Variants in MTX2 observed in about 807,000 individuals in gnomAD.
The protein encoded by MTX2 is metaxin-2.
A neutral mutation model predicts 42.3 loss-of-function variants in MTX2; 35 were observed. The ratio of observed to expected loss-of-function variants is 0.83; its 90% CI spans 0.63 to 1.10. The LOEUF (loss-of-function observed/expected upper bound fraction) is 1.10, where lower values mean the gene tolerates loss of function less well. Ranked by LOEUF, MTX2 falls within the 50% of genes least tolerant of loss-of-function variation. The pLI is 0.00. For synonymous variants in MTX2, 119 were observed against 100.9 expected, an observed-to-expected ratio of 1.18 and a Z score of -1.08; for missense variants, 307 against 304.1, an observed-to-expected ratio of 1.01 and a Z score of -0.07.
chr2:176,323,994 T>A (rs1684645450), intron 4 of MTX2, among the ~76,000 whole-genome samples: 1 of 151,634 alleles, frequency 6.6e-6, no homozygotes, highest in African/African-American at 2.4e-5. Context: ...AGCTTCCTAT[T>A]TTTTAAAATC....
chr2:176,296,759 G>T lies in MTX2; in HGVS notation c.41-101G>T. 3 of 1,206,240 alleles carry T rather than the reference G, an allele frequency of 2.5e-6. No homozygotes were observed. The South Asian group carries it at 3.7e-5, about 15-fold the overall frequency. 74.7% of individuals were successfully genotyped at this position (1,206,240 alleles called of 1,614,324 possible). A position where few individuals can be genotyped will look rare whatever the true frequency, so the allele number is the denominator to read the frequency against. ...CATGTATAAGTCAACCTTAGCAAAT[G>T]ACTTTAAATGCTGTAGGCAAATGTA... On this transcript the variant is annotated intron_variant, in intron 1 of 9. Coordinates refer to ENST00000249442, the MANE Select transcript of MTX2 (RefSeq NM_006554.5).
At chr2:176,278,041 GTTTTTTTTTTTTTTTT>G (rs59379339) in intron 1 of MTX2, among the ~76,000 whole-genome samples, 8 of 84,838 alleles carry the variant, frequency 9.4e-5, no homozygotes, top group African/African-American at 4.4e-4. Context: ...GTTGAAACTG[GTTTTTTTTTTTTTTTT>G]TTTTTTTTTT....
intron 1 of MTX2, among the ~76,000 whole-genome samples, chr2:176,281,420 T>G (rs1184024512): frequency 6.6e-6 from 1 of 152,172 alleles, no homozygotes; most frequent in East Asian, 1.9e-4. Context: ...ACATGTGGCT[T>G]CTTCATGTGG....
chr2:176,284,831 G>C (rs937861929), intron 1 of MTX2, among the ~76,000 whole-genome samples: 1 of 152,208 alleles, frequency 6.6e-6, no homozygotes, highest in Non-Finnish European at 1.5e-5. Flanking sequence ...TGCCATCTGT[G>C]TCTCTAGGAT....
Position 176,337,561 on chromosome 2 carries a change from A to T in MTX2, c.689A>T (p.Asp230Val). The stretch of plus-strand genomic sequence containing the variant: ...ATTCTTACCACACAATTGACAAATG[A>T]TGAACTTTCTGAGAAGGTGAAAAAC... Reference protein sequence around the residue: ...YTILTTQLTNDELSEKVKNYS... With the variant: ...YTILTTQLTNVELSEKVKNYS... The change falls in exon 10 of 10, where the codon GAT becomes GTT. Residue 230 changes from aspartate to valine, a missense_variant. Transcript: ENST00000249442. 6.2e-7 allele frequency: 1 copy of T among 1,613,464 alleles called. No individual in the cohort carries two copies. The highest frequency in any genetic ancestry group is 2.2e-5 in the East Asian group (1 of 44,848).
chr2:176,329,826 T>C (rs1684811804), intron 8 of MTX2, among the ~76,000 whole-genome samples: 1 of 150,086 alleles, frequency 6.7e-6, no homozygotes, highest in South Asian at 2.1e-4. Flanking sequence ...TAACTAAATA[T>C]AGATCTGCAG....
At chr2:176,306,477 A>T (rs1684147086) in intron 3 of MTX2, among the ~76,000 whole-genome samples, 1 of 152,234 alleles carries the variant, frequency 6.6e-6, no homozygotes, top group Non-Finnish European at 1.5e-5. Context: ...TCCTTGAGGA[A>T]TCGCCACACT....
At chr2:176,305,353 AAAG>A (rs1217329987) in intron 3 of MTX2, among the ~76,000 whole-genome samples, 44 of 152,228 alleles carry the variant, frequency 2.9e-4, no homozygotes, top group Admixed American at 2.4e-3. Context: ...GAGCTCAGAA[AAAG>A]AATATATATA....
chr2:176,305,907 A>C (rs1011540979), intron 3 of MTX2, among the ~76,000 whole-genome samples: 1 of 151,960 alleles, frequency 6.6e-6, no homozygotes, highest in Non-Finnish European at 1.5e-5. Context: ...TGATTTCTAC[A>C]TAGATCATTA....
chr2:176,329,460 C>G (rs1256285364), intron 8 of MTX2, 34 bp downstream of exon 8: 1 of 1,575,358 alleles, frequency 6.3e-7, no homozygotes, highest in East Asian at 2.3e-5. Flanking sequence ...AAACCCTCAA[C>G]TTTTATGCAT....
Position 176,329,390 on chromosome 2 carries a change from GA to G in MTX2, c.510del (p.Ala171LeufsTer13). On this transcript the variant is annotated frameshift_variant, in exon 8 of 10. Transcript: ENST00000249442. LOFTEE classifies it high-confidence loss of function. ...QKQWEVKRKM[K>X]AIGWGKKTLD... ...AACAGTGGGAAGTCAAACGTAAGAT[GA>G]AAGCTATTGGATGGGGAAAGAAGAC... 1 of 1,607,494 alleles carries G rather than the reference GA, an allele frequency of 6.2e-7. No homozygotes were observed. The highest frequency in any genetic ancestry group is 8.5e-7 in the Non-Finnish European group (1 of 1,175,482).
intron 3 of MTX2, among the ~76,000 whole-genome samples, chr2:176,304,628 A>G (rs1162291402): frequency 1.3e-5 from 2 of 152,018 alleles, no homozygotes; most frequent in Admixed American, 1.3e-4. Context: ...CCTCTTCAGT[A>G]AGGTAGAAAA....
At chr2:176,320,327 T>C (rs1204669811) in intron 3 of MTX2, among the ~76,000 whole-genome samples, 1 of 152,188 alleles carries the variant, frequency 6.6e-6, no homozygotes, top group Non-Finnish European at 1.5e-5. Flanking sequence ...CATTTTGGAA[T>C]ATTAATTAGC....
chr2:176,284,886 A>G (rs1296610754), intron 1 of MTX2, among the ~76,000 whole-genome samples: 1 of 152,222 alleles, frequency 6.6e-6, no homozygotes, highest in Non-Finnish European at 1.5e-5. Context: ...CAGATTTACC[A>G]GGATTGCTTG....
At chr2:176,319,630 C>T (rs1228039317) in intron 3 of MTX2, among the ~76,000 whole-genome samples, 4 of 151,946 alleles carry the variant, frequency 2.6e-5, no homozygotes, top group Non-Finnish European at 5.9e-5. Context: ...GGCTGGAGTG[C>T]AGTGGTGCGA....
In MTX2 at chr2:176,316,813, T is replaced by C. The variant is rs138082266; in HGVS notation, c.136-6579T>C. On this transcript the variant is annotated intron_variant, in intron 3 of 9. Coordinates refer to ENST00000249442, the MANE Select transcript of MTX2 (RefSeq NM_006554.5). ...CAAACTATTGATTATTTTGCTGTTA[T>C]AAATAGGGCTTAAGTGTGAATATCC... is the stretch of plus-strand genomic sequence containing the variant. Among the ~76,000 whole-genome samples, 960 of 152,300 alleles carry C rather than the reference T, an allele frequency of 6.3e-3. 3 individuals carry two copies. The highest frequency in any genetic ancestry group is 0.017 in the Middle Eastern group (5 of 294).
At chr2:176,289,572 G>A (rs985444371) in intron 1 of MTX2, among the ~76,000 whole-genome samples, 1 of 152,022 alleles carries the variant, frequency 6.6e-6, no homozygotes, top group Non-Finnish European at 1.5e-5. Context: ...TTTATCTGCA[G>A]TATAGGGATA....
At chr2:176,275,830 C>T (rs1202289318) in intron 1 of MTX2, among the ~76,000 whole-genome samples, 1 of 151,978 alleles carries the variant, frequency 6.6e-6, no homozygotes, top group Non-Finnish European at 1.5e-5. Context: ...AGGAGTGGCT[C>T]CAGGTATTAG....
Position 176,269,521 on chromosome 2 carries a change from A to G in MTX2, c.-109A>G, listed in dbSNP as rs530021448. On this transcript the variant is annotated 5_prime_UTR_variant, in exon 1 of 10. Transcript: ENST00000249442. ...TGTTGGAGTGGGCTTTGCGAGTCTG[A>G]ACGTTGGCGGGGCTAGGCTCGTTAA... The G allele has an allele frequency of 1.0e-5, 13 of 1,262,012 alleles. No individual in the cohort carries two copies. Among genetic ancestry groups the G allele is most frequent in the Non-Finnish European group, 1.4e-5 (13 of 936,012 alleles). The allele number at this position is 1,262,012 out of a possible 1,614,324, so 78.2% of individuals were successfully genotyped here. A position where few individuals can be genotyped will look rare whatever the true frequency, so the allele number is the denominator to read the frequency against.
Sources: gnomAD v4.1 joint callset for allele counts (sites outside exome capture counted in the v4.1 genomes callset) on GRCh38, gnomAD v4.1.1 for gene constraint, MANE v1.5 for transcripts, NCBI Gene and HGNC (gene_info 2026-07-23, HGNC 2026-07-21) for gene names.